The following AOX1 variants were observed in gnomAD, a reference collection of about 807,000 sequenced individuals.
AOX1 encodes the protein aldehyde oxidase 1.
A neutral mutation model predicts 169.5 loss-of-function variants in AOX1; 153 were observed. The ratio of observed to expected loss-of-function variants is 0.90; its 90% CI spans 0.79 to 1.03. The LOEUF is 1.03. AOX1 is among the 50% of genes least tolerant of loss of function. The pLI is 0.00. For synonymous variants in AOX1, 562 were observed against 581.9 expected, an observed-to-expected ratio of 0.97 and a Z score of 0.49; for missense variants, 1,656 against 1,663.9, an observed-to-expected ratio of 1.00 and a Z score of 0.08.
chr2:200,587,623 A>G (rs951652298), intron 1 of AOX1, among the ~76,000 whole-genome samples: 1 of 152,232 alleles, frequency 6.6e-6, no homozygotes, highest in Non-Finnish European at 1.5e-5. Flanking sequence ...ACATTGGATA[A>G]GATGAGCTAG....
chr2:200,600,475 CGG>C (rs35245400), intron 5 of AOX1, among the ~76,000 whole-genome samples: 1 of 151,408 alleles, frequency 6.6e-6, no homozygotes, highest in Non-Finnish European at 1.5e-5. Flanking sequence ...GTGTATGTGG[CGG>C]GGGGGGACAT....
chr2:200,653,466 A>G (rs114786917), intron 26 of AOX1, among the ~76,000 whole-genome samples: 3,297 of 152,262 alleles, frequency 0.022, 124 homozygotes, highest in African/African-American at 0.076. Flanking sequence ...TCTCATCTCT[A>G]TCAGGTAGGT....
At chr2:200,639,272 C>T (rs769568031) in intron 23 of AOX1, among the ~76,000 whole-genome samples, 2 of 152,104 alleles carry the variant, frequency 1.3e-5, no homozygotes, top group Non-Finnish European at 2.9e-5. Flanking sequence ...GACAGGGAAG[C>T]GAGAGAGAAG....
intron 28 of AOX1, among the ~76,000 whole-genome samples, 196 bp from the exon 29 acceptor site, chr2:200,659,799 C>T (rs1221931200): frequency 1.3e-5 from 2 of 148,898 alleles, no homozygotes; most frequent in African/African-American, 2.6e-5. Flanking sequence ...CACACACACA[C>T]ACACACACAC....
chr2:200,609,331 GA>G lies in AOX1; in HGVS notation c.1071del (p.His358ThrfsTer11). ...SQIRNMASLG[G>X]HIISRHPDSD... ...CATTATTTTTAAAAGTCTTTAGGGG[GA>G]CACATCATTAGCAGGCATCCAGATT... On this transcript the variant is annotated frameshift_variant, in exon 12 of 35. Coordinates refer to ENST00000374700, the MANE Select transcript of AOX1 (RefSeq NM_001159.4). LOFTEE classifies it high-confidence loss of function. 2 of 1,613,822 alleles carry G rather than the reference GA, an allele frequency of 1.2e-6. No individual in the cohort carries two copies. Among genetic ancestry groups the G allele is most frequent in the Non-Finnish European group, 1.7e-6 (2 of 1,179,838 alleles).
chr2:200,664,755 C>A (rs7585422), intron 31 of AOX1, among the ~76,000 whole-genome samples: 72,976 of 152,092 alleles, frequency 0.48, 18,500 homozygotes, highest in East Asian at 0.8. Flanking sequence ...TGTTGATAGA[C>A]TTGCCCTTAT....
intron 16 of AOX1, 30 bp from the exon 17 acceptor site, chr2:200,620,620 A>G: frequency 1.4e-6 from 2 of 1,468,938 alleles, no homozygotes; most frequent in Non-Finnish European, 1.8e-6. Flanking sequence ...ATAGAAATGT[A>G]AAAGTATATT....
intron 18 of AOX1, among the ~76,000 whole-genome samples, chr2:200,622,611 C>G (rs1156582325): frequency 6.6e-6 from 1 of 152,112 alleles, no homozygotes; most frequent in African/African-American, 2.4e-5. Context: ...GAATTTAAGC[C>G]CTTTGCATAA....
At chr2:200,664,259 G>A (rs1294499824) in intron 31 of AOX1, among the ~76,000 whole-genome samples, 1 of 152,170 alleles carries the variant, frequency 6.6e-6, no homozygotes, top group East Asian at 1.9e-4. Flanking sequence ...CAAGTAGCTG[G>A]GATTACAGGC....
chr2:200,599,639 A>G lies in AOX1; in HGVS notation c.329A>G (p.His110Arg), dbSNP rs760326411. ...HPVQERIAKC[H>R]GTQCGFCTPG... ...TTCCAGGAGAGGATTGCCAAGTGTC[A>G]TGGCACCCAGTGTGGCTTCTGCACA... is the stretch of plus-strand genomic sequence containing the variant. The change falls in exon 5 of 35, where the codon CAT becomes CGT. Residue 110 changes from histidine to arginine, a missense_variant. Transcript: ENST00000374700. 2.1e-5 allele frequency: 34 copies of G among 1,611,740 alleles called. No homozygotes were observed. The African/African-American group carries it at 3.1e-4, about 15-fold the overall frequency.
Position 200,659,230 on chromosome 2 carries a change from T to C in AOX1, c.3237T>C (p.Thr1079=), listed in dbSNP as rs767636112. ...ACCTGCGTGGAACAAGCACAGAAAC[T>C]GTCCCTAATGCAAATATCTCTGGAG... ...NVHLRGTSTE[T]VPNANISGGS... is the part of the protein sequence containing the mutation. Residue 1079 remains threonine, a synonymous_variant, in exon 28 of 35, where the codon ACT becomes ACC. Coordinates refer to ENST00000374700, the MANE Select transcript of AOX1 (RefSeq NM_001159.4). 1 of 1,614,012 alleles carries C rather than the reference T, an allele frequency of 6.2e-7. No individual in the cohort carries two copies. The highest frequency in any genetic ancestry group is 1.1e-5 in the South Asian group (1 of 91,058).
intron 21 of AOX1, 77 bp downstream of exon 21, chr2:200,634,992 T>C: frequency 1.2e-5 from 18 of 1,557,998 alleles, no homozygotes; most frequent in Non-Finnish European, 1.6e-5. Context: ...CAATTAGAGG[T>C]AAAAGTATAT....
intron 26 of AOX1, among the ~76,000 whole-genome samples, chr2:200,654,267 C>A (rs900230428): frequency 6.7e-6 from 1 of 150,176 alleles, no homozygotes; most frequent in African/African-American, 2.4e-5. Context: ...CCTCCTCAAT[C>A]GTCAGCAACC....
intron 20 of AOX1, among the ~76,000 whole-genome samples, chr2:200,629,123 T>C (rs1251786029): frequency 1.3e-5 from 2 of 152,226 alleles, no homozygotes; most frequent in East Asian, 1.9e-4. Context: ...TATAGGTGCA[T>C]TAAACTTGAA....
rs1017585277 is a variant in AOX1 at position 200,595,365 on chromosome 2, T to C, written c.197T>C (p.Ile66Thr). 1 of 1,611,298 alleles carries C rather than the reference T, an allele frequency of 6.2e-7. No individual in the cohort carries two copies. The highest frequency in any genetic ancestry group is 1.3e-5 in the African/African-American group (1 of 74,970). ...ISRYNPITKRIRHHPANACLI... is the reference protein window; with the variant it reads ...ISRYNPITKRTRHHPANACLI... ...CGATACAACCCCATCACCAAGAGGA[T>C]AAGGTACCGTGCAGCAAAGTCCAGA... is the stretch of plus-strand genomic sequence containing the variant. Residue 66 changes from isoleucine to threonine, a missense_variant, in exon 3 of 35, where the codon ATA (isoleucine) becomes ACA (threonine). Coordinates refer to ENST00000374700, the MANE Select transcript of AOX1 (RefSeq NM_001159.4).
intron 25 of AOX1, among the ~76,000 whole-genome samples, chr2:200,643,930 T>C (rs570770103): frequency 6.6e-6 from 1 of 152,290 alleles, no homozygotes; most frequent in Admixed American, 6.5e-5. Flanking sequence ...TACTGATTTG[T>C]TTGAGTTTCT....
intron 22 of AOX1, 62 bp from the exon 23 acceptor site, chr2:200,638,152 TA>T (rs772703841): frequency 3.3e-6 from 5 of 1,503,616 alleles, no homozygotes; most frequent in Non-Finnish European, 4.6e-6. Flanking sequence ...AGGAGTTATA[TA>T]AACCCCAGAG....
chr2:200,606,172 G>A (rs1027366112), intron 10 of AOX1, among the ~76,000 whole-genome samples: 1 of 152,174 alleles, frequency 6.6e-6, no homozygotes, highest in Admixed American at 6.5e-5. Flanking sequence ...TAAGGTGTAA[G>A]GAAGGGGTCC....
intron 1 of AOX1, 29 bp downstream of exon 1, chr2:200,586,182 C>T (rs1436460272): frequency 1.3e-6 from 2 of 1,543,422 alleles, no homozygotes; most frequent in Non-Finnish European, 1.7e-6. Flanking sequence ...CCTCTGCCCC[C>T]AGACCTGCGG....
Sources: allele counts gnomAD v4.1 joint callset (sites outside exome capture counted in the v4.1 genomes callset), GRCh38; gene constraint gnomAD v4.1.1; transcripts MANE v1.5; gene names NCBI Gene and HGNC (gene_info 2026-07-23, HGNC 2026-07-21).